The following PALLD variants were observed in gnomAD, a reference collection of about 807,000 sequenced individuals.
PALLD encodes palladin.
PALLD carries 61 observed loss-of-function variants against 123.5 expected under a neutral mutation model. The observed-to-expected ratio is 0.49, with a 90% CI of 0.40 to 0.61. PALLD has a LOEUF of 0.61. PALLD is among the 20% of genes least tolerant of loss of function. The pLI is 0.00. For missense variants in PALLD, 1,273 were observed against 1,377.0 expected, an observed-to-expected ratio of 0.92 and a Z score of 1.20; for synonymous variants, 465 against 496.4, an observed-to-expected ratio of 0.94 and a Z score of 0.84.
intron 15 of PALLD, chr4:168,904,283 G>A (rs911950984): frequency 9.3e-6 from 2 of 214,056 alleles, no homozygotes; most frequent in Non-Finnish European, 1.9e-5. Context: ...AAGAGTGAGT[G>A]GCATGCATAG....
At chr4:168,693,075 A>G (rs186257128) in intron 8 of PALLD, among the ~76,000 whole-genome samples, 5 of 148,896 alleles carry the variant, frequency 3.4e-5, no homozygotes, top group Non-Finnish European at 7.4e-5. Flanking sequence ...CTTATCCTAC[A>G]TACGCTCCTT....
chr4:168,615,657 G>A (rs975522431), intron 2 of PALLD, among the ~76,000 whole-genome samples: 1 of 152,176 alleles, frequency 6.6e-6, no homozygotes, highest in African/African-American at 2.4e-5. Flanking sequence ...CCATCTCAGA[G>A]GGGTCTGATG....
At chr4:168,561,552 G>A (rs1167341916) in intron 2 of PALLD, among the ~76,000 whole-genome samples, 1 of 152,118 alleles carries the variant, frequency 6.6e-6, no homozygotes, top group Non-Finnish European at 1.5e-5. Context: ...TGGGACTACA[G>A]GTCTGCACCT....
chr4:168,890,989 G>A lies in PALLD; in HGVS notation c.2032G>A (p.Asp678Asn), dbSNP rs764564619. Residue 678 changes from aspartate (D) to asparagine (N), a missense_variant, in exon 11 of 22, where the codon GAT becomes AAT. By Grantham distance (23) the Asp-to-Asn change is conservative. Transcript: ENST00000505667. ...CGATGAGGAAATTCAAGGCACAAAG[G>A]ATGCTGTTATTCAAGACCTGGAACG... ...ASDEEIQGTK[D>N]AVIQDLERKL... is the part of the protein sequence containing the mutation. 2.5e-6 allele frequency: 4 copies of A among 1,614,034 alleles called. No individual in the cohort carries two copies. The highest frequency in any genetic ancestry group is 1.1e-5 in the South Asian group (1 of 91,070).
intron 10 of PALLD, among the ~76,000 whole-genome samples, chr4:168,820,802 A>C (rs997043106): frequency 2.6e-5 from 4 of 152,154 alleles, no homozygotes; most frequent in Non-Finnish European, 2.9e-5. Flanking sequence ...TAATTTTTCT[A>C]TTTGAATATG....
intron 2 of PALLD, among the ~76,000 whole-genome samples, chr4:168,602,348 C>A (rs1004384845): frequency 2.6e-5 from 4 of 152,142 alleles, no homozygotes; most frequent in African/African-American, 9.7e-5. Flanking sequence ...TCCAGGACTT[C>A]GAGTACAGGG....
rs539153955 is a variant in PALLD, at chr4:168,843,968, A to G, written c.1965-46954A>G. ...ATTACAGCTTTATAGCATATCTACT[A>G]AGAACTTTAGTGAAAGTGAAAAGGA... is the stretch of plus-strand genomic sequence containing the variant. On this transcript the variant is annotated intron_variant, in intron 10 of 21. Transcript: ENST00000505667. 3 of 152,362 alleles carry G rather than the reference A, an allele frequency of 2.0e-5. No individual in the cohort carries two copies. In the South Asian group the frequency reaches 6.2e-4, roughly 32 times the overall value. 9.4% of individuals were successfully genotyped at this position (152,362 alleles called of 1,614,324 possible). A position where few individuals can be genotyped will look rare whatever the true frequency, so the allele number is the denominator to read the frequency against.
intron 2 of PALLD, among the ~76,000 whole-genome samples, chr4:168,592,064 T>G (rs1771493104): frequency 6.8e-6 from 1 of 148,040 alleles, no homozygotes; most frequent in Non-Finnish European, 1.5e-5. Context: ...TCACCCAGGC[T>G]GCAGTGCAAT....
chr4:168,746,319 G>A (rs2150365716), intron 10 of PALLD, among the ~76,000 whole-genome samples: 1 of 144,160 alleles, frequency 6.9e-6, no homozygotes, highest in Admixed American at 7.3e-5. Flanking sequence ...AGGCGGAGCT[G>A]GCACTGAGCT....
chr4:168,820,571 G>A (rs1742572456), intron 10 of PALLD, among the ~76,000 whole-genome samples: 1 of 152,232 alleles, frequency 6.6e-6, no homozygotes, highest in Non-Finnish European at 1.5e-5. Flanking sequence ...CGTATGTTGA[G>A]ATTTAGACAA....
intron 2 of PALLD, among the ~76,000 whole-genome samples, chr4:168,519,641 G>A (rs1763337788): frequency 6.6e-6 from 1 of 151,392 alleles, no homozygotes; most frequent in South Asian, 2.1e-4. Context: ...ATCTGTATAT[G>A]AGCTTCTTGT....
intron 10 of PALLD, among the ~76,000 whole-genome samples, chr4:168,800,267 A>C (rs1439224818): frequency 6.6e-6 from 1 of 152,160 alleles, no homozygotes; most frequent in Non-Finnish European, 1.5e-5. Flanking sequence ...AGTTCAAATA[A>C]AAAAATTCTG....
intron 2 of PALLD, among the ~76,000 whole-genome samples, chr4:168,596,033 T>C (rs1771942068): frequency 6.6e-6 from 1 of 151,954 alleles, no homozygotes; most frequent in South Asian, 2.1e-4. Context: ...GTACTACTAA[T>C]AGTAATTAGA....
At chr4:168,755,100 G>A (rs1343830490) in intron 10 of PALLD, among the ~76,000 whole-genome samples, 2 of 152,092 alleles carry the variant, frequency 1.3e-5, no homozygotes, top group Admixed American at 6.6e-5. Context: ...AGGCGTGGTG[G>A]CGGGCGCCTG....
chr4:168,665,440 T>A (rs1779544145), intron 2 of PALLD, among the ~76,000 whole-genome samples: 1 of 152,124 alleles, frequency 6.6e-6, no homozygotes, highest in African/African-American at 2.4e-5. Flanking sequence ...TATACATTTT[T>A]AAAAAATGGT....
rs905216076 is a variant in PALLD at position 168,859,197 on chromosome 4, C to T, written c.1965-31725C>T. On this transcript the variant is annotated intron_variant, in intron 10 of 21. Transcript: ENST00000505667. ...GTCAAATTCATCTCCACCCCACAGC[C>T]TGCTATCTTCTGCCTTTTACCCTAA... Among the ~76,000 whole-genome samples, 10 of 152,342 alleles carry T rather than the reference C, an allele frequency of 6.6e-5. No homozygotes were observed. The East Asian group carries it at 1.7e-3, about 26-fold the overall frequency.
intron 10 of PALLD, among the ~76,000 whole-genome samples, chr4:168,796,628 CA>C (rs1405765245): frequency 6.6e-6 from 1 of 152,126 alleles, no homozygotes; most frequent in Non-Finnish European, 1.5e-5. Context: ...AGATGAAAAC[CA>C]CTGGTGGCTG....
rs1760829923 is a variant in PALLD at position 168,497,158 on chromosome 4, C to G, written c.-119C>G. ...GAAATGCTCATCTGAAATTCATCAC[C>G]TCTCTGGAGTCTTCAAACTGACCAA... On this transcript the variant is annotated 5_prime_UTR_variant, in exon 1 of 22. Coordinates refer to ENST00000505667, the MANE Select transcript of PALLD (RefSeq NM_001166108.2). The G allele has an allele frequency of 6.6e-6, 1 of 152,038 alleles. No individual in the cohort carries two copies. The highest frequency in any genetic ancestry group is 1.5e-5 in the Non-Finnish European group (1 of 68,022). The allele number at this position is 152,038 out of a possible 1,614,324, so 9.4% of individuals were successfully genotyped here.
intron 13 of PALLD, among the ~76,000 whole-genome samples, chr4:168,897,624 A>C (rs984952320): frequency 4.0e-5 from 6 of 151,894 alleles, no homozygotes; most frequent in Non-Finnish European, 5.9e-5. Flanking sequence ...TGTTCTTTTT[A>C]AATTTTTTGT....
Sources: gnomAD v4.1 joint callset for allele counts (sites outside exome capture counted in the v4.1 genomes callset) on GRCh38, gnomAD v4.1.1 for gene constraint, MANE v1.5 for transcripts, NCBI Gene and HGNC (gene_info 2026-07-23, HGNC 2026-07-21) for gene names.